The following ABLIM1 variants were observed in gnomAD, a reference collection of about 807,000 sequenced individuals.
ABLIM1 encodes actin-binding LIM protein 1.
Under a neutral mutation model 107.0 loss-of-function variants are expected in ABLIM1, and 40 were observed. The ratio of observed to expected loss-of-function variants is 0.37; its 90% confidence interval spans 0.29 to 0.49. The LOEUF (loss-of-function observed/expected upper bound fraction) is 0.49. ABLIM1 is among the 20% of genes least tolerant of loss of function. The probability of loss-of-function intolerance (pLI) is 0.97; values close to 1 mark genes in which losing one functional copy is unlikely to be tolerated. For missense variants in ABLIM1, 857 were observed against 1,008.5 expected (o/e 0.85, Z 2.04); for synonymous variants, 357 against 357.3 (o/e 1.00, Z 0.01).
chr10:114,598,276 A>G (rs1292884220), intron 2 of ABLIM1, among the ~76,000 whole-genome samples: 2 of 146,614 alleles, frequency 1.4e-5, no homozygotes, highest in African/African-American at 5.0e-5. Flanking sequence ...CTCCATCTCA[A>G]AAAAAAAAAA....
upstream of ABLIM1, among the ~76,000 whole-genome samples, chr10:114,686,405 CAGG>C (rs1171983149): frequency 6.6e-6 from 1 of 151,732 alleles, no homozygotes; most frequent in Non-Finnish European, 1.5e-5. Context: ...CCTAGCTACT[CAGG>C]AGGCTGAGGC....
At chr10:114,676,731 T>C (rs1020038761) in intron 1 of ABLIM1, among the ~76,000 whole-genome samples, 2 of 152,090 alleles carry the variant, frequency 1.3e-5, no homozygotes, top group African/African-American at 4.8e-5. Context: ...CATATGTATA[T>C]AAAATCAGTA....
At chr10:114,610,647 C>G (rs1258914318) in intron 1 of ABLIM1, 1 of 152,224 alleles carries the variant, frequency 6.6e-6, no homozygotes, top group African/African-American at 2.4e-5. Flanking sequence ...CCATTTCCTG[C>G]TGTGGCAAGT....
chr10:114,666,898 C>G (rs1333685), intron 1 of ABLIM1, among the ~76,000 whole-genome samples: 212 of 152,280 alleles, frequency 1.4e-3, no homozygotes, highest in Admixed American at 5.4e-3. Context: ...TACTCAGATC[C>G]AAGCAATTAT....
chr10:114,724,865 G>A (rs2081925338), intron 1 of ABLIM1, among the ~76,000 whole-genome samples: 1 of 152,160 alleles, frequency 6.6e-6, no homozygotes, highest in South Asian at 2.1e-4. Context: ...GGTGCTCCTT[G>A]ACCACACCAG....
chr10:114,616,002 T>G (rs1025430545), intron 1 of ABLIM1, among the ~76,000 whole-genome samples: 7 of 152,158 alleles, frequency 4.6e-5, no homozygotes, highest in Non-Finnish European at 8.8e-5. Flanking sequence ...CAGGACATGA[T>G]GAGTAGTGTT....
chr10:114,583,458 CACACACACACATATATAT>C (rs1334032968), intron 2 of ABLIM1, among the ~76,000 whole-genome samples: 3 of 11,612 alleles, frequency 2.6e-4, no homozygotes, highest in Non-Finnish European at 3.5e-4. Context: ...CACACACACA[CACACACACACATATATAT>C]ATATATATAT....
At chr10:114,789,354 G>T in the ABLIM1 span, among the ~76,000 whole-genome samples, 1 of 152,188 alleles carries the variant, frequency 6.6e-6, no homozygotes, top group African/African-American at 2.4e-5. Flanking sequence ...ATGGCCTCAG[G>T]AGAGGGTCCA....
intron 1 of ABLIM1, among the ~76,000 whole-genome samples, chr10:114,648,332 G>C (rs1244512001): frequency 3.9e-5 from 6 of 152,156 alleles, no homozygotes; most frequent in Admixed American, 2.0e-4. Flanking sequence ...CCTACAATGG[G>C]ATACTATTCA....
In ABLIM1 at chr10:114,694,821, G is replaced by A; in HGVS notation, c.-213+73240C>T. ...AGTTGATAGACAATAATAATTGGTT[G>A]ATAAAAAGTGGAACTTACAGATTGG... On this transcript the variant is annotated intron_variant, in intron 1 of 15. Transcript: ENST00000651092. Among the ~76,000 whole-genome samples the A allele has an allele frequency of 1.3e-5, 2 of 152,168 alleles. 1 individual carries two copies. The highest frequency in any genetic ancestry group is 3.9e-4 in the East Asian group (2 of 5,192).
intron 12 of ABLIM1, among the ~76,000 whole-genome samples, chr10:114,465,027 A>G (rs1282373249): frequency 6.6e-6 from 1 of 152,216 alleles, no homozygotes; most frequent in Non-Finnish European, 1.5e-5. Context: ...AAGGTCCACT[A>G]AAATCTGCTA....
chr10:114,675,598 A>T (rs1191947212), intron 1 of ABLIM1, among the ~76,000 whole-genome samples: 2 of 152,194 alleles, frequency 1.3e-5, no homozygotes, highest in Non-Finnish European at 2.9e-5. Flanking sequence ...GTGAGAACAG[A>T]CTAATACACC....
chr10:114,594,682 G>A (rs1361423484), intron 2 of ABLIM1, among the ~76,000 whole-genome samples: 1 of 152,156 alleles, frequency 6.6e-6, no homozygotes, highest in Non-Finnish European at 1.5e-5. Context: ...CCTGGGAGGT[G>A]GAGGTTGCAG....
At chr10:114,793,392 T>C in the ABLIM1 span, among the ~76,000 whole-genome samples, 1 of 152,088 alleles carries the variant, frequency 6.6e-6, no homozygotes, top group East Asian at 1.9e-4. Flanking sequence ...CCTTCCACCA[T>C]GACTGTAAGT....
chr10:114,753,211 A>G (rs1418985207), intron 1 of ABLIM1, among the ~76,000 whole-genome samples: 2 of 152,230 alleles, frequency 1.3e-5, no homozygotes, highest in African/African-American at 4.8e-5. Context: ...AGCTGTTCCC[A>G]GCAAGGCAGA....
chr10:114,609,077 T>C (rs965579554), intron 1 of ABLIM1, among the ~76,000 whole-genome samples: 1 of 152,118 alleles, frequency 6.6e-6, no homozygotes, highest in Non-Finnish European at 1.5e-5. Context: ...CTACCTAACT[T>C]CAGAGATCTT....
chr10:114,681,041 AT>A (rs2080725600), intron 1 of ABLIM1, among the ~76,000 whole-genome samples: 2 of 152,332 alleles, frequency 1.3e-5, no homozygotes, highest in Admixed American at 1.3e-4. Context: ...ATGTAAAAAA[AT>A]AAAGATGTGG....
At chr10:114,581,259 T>C (rs1395533343) in intron 2 of ABLIM1, among the ~76,000 whole-genome samples, 1 of 152,144 alleles carries the variant, frequency 6.6e-6, no homozygotes, top group South Asian at 2.1e-4. Context: ...GAACAAAGTA[T>C]GGGGGTGTCC....
At chr10:114,690,381 T>G (rs2081048868) in intron 1 of ABLIM1, 1 of 1,605,372 alleles carries the variant, frequency 6.2e-7, no homozygotes, top group South Asian at 1.1e-5. Flanking sequence ...TAGGATGAAG[T>G]TCTCATCATC....
Sources: allele counts gnomAD v4.1 joint callset (sites outside exome capture counted in the v4.1 genomes callset), GRCh38; gene constraint gnomAD v4.1.1; transcripts MANE v1.5; gene names NCBI Gene and HGNC (gene_info 2026-07-23, HGNC 2026-07-21).